The following STAU2 variants were observed in gnomAD, a reference collection of about 807,000 sequenced individuals.
The protein encoded by STAU2 is double-stranded RNA-binding protein Staufen homolog 2.
A neutral mutation model predicts 65.9 loss-of-function variants in STAU2; 20 were observed. That is an observed-to-expected ratio of 0.30 (90% CI 0.21 to 0.44). The LOEUF is 0.44. Ranked by LOEUF, STAU2 falls within the 20% of genes least tolerant of loss-of-function variation. The pLI is 1.00. For synonymous variants in STAU2, 232 were observed against 233.9 expected, an observed-to-expected ratio of 0.99 and a Z score of 0.07; for missense variants, 558 against 683.9, an observed-to-expected ratio of 0.82 and a Z score of 2.05.
intron 13 of STAU2, among the ~76,000 whole-genome samples, chr8:73,464,107 A>T (rs1488577667): frequency 6.6e-6 from 1 of 152,170 alleles, no homozygotes; most frequent in African/African-American, 2.4e-5. Flanking sequence ...CTTTTGAATA[A>T]ACTTTTCCGG....
intron 7 of STAU2, 45 bp from the exon 8 acceptor site, chr8:73,615,827 C>A: frequency 1.4e-6 from 2 of 1,433,774 alleles, no homozygotes; most frequent in South Asian, 1.2e-5. Flanking sequence ...GACATTATAA[C>A]AAACTTTACT....
chr8:73,538,787 A>G (rs1327051859), intron 13 of STAU2, among the ~76,000 whole-genome samples: 1 of 152,164 alleles, frequency 6.6e-6, no homozygotes, highest in East Asian at 1.9e-4. Context: ...GCAAAAGATA[A>G]GAAGAAATAA....
chr8:73,515,205 T>G (rs1230061735), intron 13 of STAU2, among the ~76,000 whole-genome samples: 1 of 152,202 alleles, frequency 6.6e-6, no homozygotes, highest in East Asian at 1.9e-4. Context: ...AATGACCTAT[T>G]AGTTCCTAGA....
intron 6 of STAU2, among the ~76,000 whole-genome samples, chr8:73,654,421 G>A (rs1816136307): frequency 6.6e-6 from 1 of 151,764 alleles, no homozygotes; most frequent in Non-Finnish European, 1.5e-5. Flanking sequence ...GGAGGCCAAG[G>A]CGGGAGGATT....
intron 6 of STAU2, chr8:73,653,536 A>G (rs184128180): frequency 1.2e-3 from 183 of 153,566 alleles, no homozygotes; most frequent in Middle Eastern, 3.3e-3. Context: ...ATGACTATTC[A>G]AACCATCTCA....
chr8:73,643,324 G>A (rs1165347373), intron 6 of STAU2, among the ~76,000 whole-genome samples: 1 of 152,186 alleles, frequency 6.6e-6, no homozygotes, highest in Non-Finnish European at 1.5e-5. Context: ...ACTCCGTTAA[G>A]TATTACCACC....
At chr8:73,626,831 G>A (rs1274054672) in intron 6 of STAU2, among the ~76,000 whole-genome samples, 1 of 152,120 alleles carries the variant, frequency 6.6e-6, no homozygotes, top group Non-Finnish European at 1.5e-5. Flanking sequence ...GTGAAAAATG[G>A]GTGATCAACT....
intron 3 of STAU2, among the ~76,000 whole-genome samples, chr8:73,726,343 T>C (rs758130870): frequency 2.0e-5 from 3 of 152,196 alleles, no homozygotes; most frequent in Non-Finnish European, 4.4e-5. Flanking sequence ...ACTGCTTGGG[T>C]GATGGGTGCA....
intron 13 of STAU2, among the ~76,000 whole-genome samples, chr8:73,535,301 C>G (rs916421227): frequency 2.0e-5 from 3 of 152,098 alleles, no homozygotes; most frequent in African/African-American, 7.2e-5. Context: ...TCCCAAGTAA[C>G]TGGGACTACA....
At chr8:73,422,551 A>T in intron 14 of STAU2, 63 bp downstream of exon 14, 1 of 1,247,166 alleles carries the variant, frequency 8.0e-7, no homozygotes, top group Non-Finnish European at 1.1e-6. Flanking sequence ...ATTATTATCT[A>T]TGTCTTATCT....
intron 13 of STAU2, among the ~76,000 whole-genome samples, chr8:73,511,849 A>G (rs1431779850): frequency 1.3e-5 from 2 of 152,178 alleles, no homozygotes; most frequent in Non-Finnish European, 2.9e-5. Flanking sequence ...GATCATGAAC[A>G]TTTCTCCTAT....
chr8:73,522,517 A>G (rs1233585992), intron 13 of STAU2, among the ~76,000 whole-genome samples: 1 of 152,200 alleles, frequency 6.6e-6, no homozygotes, highest in South Asian at 2.1e-4. Flanking sequence ...TCATAAGACA[A>G]TTGGCTCAGC....
intron 13 of STAU2, among the ~76,000 whole-genome samples, chr8:73,444,585 A>G (rs544423955): frequency 1.1e-4 from 16 of 152,232 alleles, no homozygotes; most frequent in African/African-American, 3.9e-4. Flanking sequence ...ATGACATTGT[A>G]CTCACTTGCT....
At chr8:73,551,833 G>C (rs1291968293) in intron 13 of STAU2, 179 bp downstream of exon 13, 1 of 1,276,670 alleles carries the variant, frequency 7.8e-7, no homozygotes, top group African/African-American at 1.5e-5. Context: ...TCAAAAATAA[G>C]AGAAAATGAG....
intron 12 of STAU2, among the ~76,000 whole-genome samples, chr8:73,556,055 T>C (rs1009489301): frequency 2.6e-5 from 4 of 152,338 alleles, no homozygotes; most frequent in Middle Eastern, 3.4e-3. Flanking sequence ...AATCCTGTTT[T>C]ATCTATGCAC....
intron 13 of STAU2, among the ~76,000 whole-genome samples, chr8:73,477,043 A>G (rs1484261643): frequency 6.6e-6 from 1 of 152,250 alleles, no homozygotes; most frequent in Non-Finnish European, 1.5e-5. Context: ...CCACGTGAAC[A>G]GCAGGATAAC....
intron 13 of STAU2, among the ~76,000 whole-genome samples, chr8:73,427,709 C>A (rs1036816774): frequency 6.6e-6 from 1 of 152,256 alleles, no homozygotes; most frequent in African/African-American, 2.4e-5. Flanking sequence ...GCCAGGCTCA[C>A]TCACTTGTAG....
chr8:73,617,083 T>C (rs1350112167), intron 7 of STAU2, among the ~76,000 whole-genome samples: 2 of 151,770 alleles, frequency 1.3e-5, no homozygotes, highest in African/African-American at 2.4e-5. Context: ...CATCCCCAAA[T>C]CCCCAGTTGC....
At chr8:73,431,985 T>C (rs1211808800) in intron 13 of STAU2, among the ~76,000 whole-genome samples, 3 of 152,250 alleles carry the variant, frequency 2.0e-5, no homozygotes, top group Admixed American at 1.3e-4. Context: ...TTGTGACACG[T>C]AGTTCTTTGT....
Sources: gnomAD v4.1 joint callset for allele counts (sites outside exome capture counted in the v4.1 genomes callset) on GRCh38, gnomAD v4.1.1 for gene constraint, MANE v1.5 for transcripts, NCBI Gene and HGNC (gene_info 2026-07-23, HGNC 2026-07-21) for gene names.